ASTN1: variants seen among roughly 807,000 people sequenced by gnomAD.
The protein encoded by ASTN1 is astrotactin-1.
ASTN1 carries 41 observed loss-of-function variants against 140.7 expected under a neutral mutation model. The ratio of observed to expected loss-of-function variants is 0.29; its 90% CI spans 0.23 to 0.38. ASTN1 has a LOEUF of 0.38. ASTN1 is among the 10% of genes least tolerant of loss of function. The probability of loss-of-function intolerance (pLI) is 1.00; values close to 1 mark genes in which losing one functional copy is unlikely to be tolerated. For missense variants in ASTN1, 1,479 were observed against 1,678.8 expected (o/e 0.88, Z 2.08); for synonymous variants, 640 against 652.2 (o/e 0.98, Z 0.29).
At chr1:176,871,438 G>T (rs1275355245) in intron 21 of ASTN1, among the ~76,000 whole-genome samples, 3 of 152,182 alleles carry the variant, frequency 2.0e-5, no homozygotes, top group Admixed American at 6.5e-5. Flanking sequence ...GCCAGGCCCT[G>T]GTTGTGGTAG....
At chr1:176,958,016 G>A (rs1200028019) in intron 10 of ASTN1, among the ~76,000 whole-genome samples, 188 bp from the exon 11 acceptor site, 4 of 152,198 alleles carry the variant, frequency 2.6e-5, no homozygotes, top group African/African-American at 9.7e-5. Context: ...TCTAGGAAAT[G>A]AGCCAAGGCT....
intron 8 of ASTN1, among the ~76,000 whole-genome samples, chr1:176,985,339 C>T (rs1208547025): frequency 1.3e-5 from 2 of 152,134 alleles, no homozygotes; most frequent in South Asian, 2.1e-4. Context: ...TGCCCCACTG[C>T]CCATGCATTG....
chr1:176,942,818 GTGTATATATATATATATGTATATATA>G (rs1436451358), intron 14 of ASTN1, among the ~76,000 whole-genome samples: 1 of 31,940 alleles, frequency 3.1e-5, no homozygotes, highest in African/African-American at 1.1e-4. Context: ...CTTTGTGTGT[GTGTATATATATATATATGTATATATA>G]TATATATATA....
At chr1:176,952,722 C>A (rs1235191699) in intron 11 of ASTN1, among the ~76,000 whole-genome samples, 1 of 152,156 alleles carries the variant, frequency 6.6e-6, no homozygotes, top group African/African-American at 2.4e-5. Flanking sequence ...TTGCCAGAGT[C>A]CTGTTCTCAG....
At chr1:176,868,273 C>A (rs756869555) in intron 22 of ASTN1, among the ~76,000 whole-genome samples, 4 of 152,196 alleles carry the variant, frequency 2.6e-5, no homozygotes, top group Non-Finnish European at 5.9e-5. Flanking sequence ...TCTGTCTGTG[C>A]AACCTAAAAG....
intron 9 of ASTN1, among the ~76,000 whole-genome samples, chr1:176,960,950 C>A (rs937304953): frequency 6.6e-5 from 10 of 152,128 alleles, no homozygotes; most frequent in Non-Finnish European, 1.5e-4. Context: ...TGACTCAGAG[C>A]CCCTTGTTGC....
chr1:176,917,303 G>A (rs2103068354), intron 16 of ASTN1, among the ~76,000 whole-genome samples: 1 of 152,350 alleles, frequency 6.6e-6, no homozygotes, highest in African/African-American at 2.4e-5. Context: ...ACACGTAGCT[G>A]TAGGTATGTG....
At chr1:177,108,345 C>CT (rs1326117756) in intron 1 of ASTN1, among the ~76,000 whole-genome samples, 1 of 67,570 alleles carries the variant, frequency 1.5e-5, no homozygotes, top group Non-Finnish European at 3.4e-5. Flanking sequence ...AAGACTCCGT[C>CT]TCAAAAAAAA....
chr1:177,081,742 T>C (rs1679190506), intron 1 of ASTN1, among the ~76,000 whole-genome samples: 1 of 152,130 alleles, frequency 6.6e-6, no homozygotes, highest in African/African-American at 2.4e-5. Context: ...GGATATCATG[T>C]TCCCTGTTTA....
At chr1:177,082,762 C>T (rs1438781552) in intron 1 of ASTN1, among the ~76,000 whole-genome samples, 1 of 152,174 alleles carries the variant, frequency 6.6e-6, no homozygotes, top group Non-Finnish European at 1.5e-5. Flanking sequence ...CTCTCCTTCC[C>T]TATGCTGGAG....
chr1:176,885,735 G>A (rs967606370), intron 18 of ASTN1, among the ~76,000 whole-genome samples: 1 of 152,134 alleles, frequency 6.6e-6, no homozygotes, highest in Non-Finnish European at 1.5e-5. Flanking sequence ...ATTTGCTACT[G>A]GGGATGCAGT....
intron 3 of ASTN1, among the ~76,000 whole-genome samples, chr1:177,031,863 A>G (rs538843980): frequency 6.6e-6 from 1 of 152,178 alleles, no homozygotes; most frequent in Non-Finnish European, 1.5e-5. Flanking sequence ...GTTCATCTGG[A>G]TTAGTTCTTC....
intron 9 of ASTN1, among the ~76,000 whole-genome samples, chr1:176,962,852 A>T (rs1672724400): frequency 6.6e-6 from 1 of 152,198 alleles, no homozygotes; most frequent in African/African-American, 2.4e-5. Context: ...TTTTTGGATG[A>T]GACTGTAAAT....
Position 176,863,696 on chromosome 1 carries a change from C to T in ASTN1, c.*588G>A, listed in dbSNP as rs80121532. Reference sequence around the variant, plus strand: ...TATAATGAAAGCTGGTTTCACCTTTCGGGTATGGAAATAGTGATAGCAAGG... The same window carrying T: ...TATAATGAAAGCTGGTTTCACCTTTTGGGTATGGAAATAGTGATAGCAAGG... On this transcript the variant is annotated 3_prime_UTR_variant, in exon 23 of 23. Coordinates refer to ENST00000361833, the MANE Select transcript of ASTN1 (RefSeq NM_004319.3). The T allele has an allele frequency of 6.0e-4, 596 of 985,798 alleles. 3 individuals are homozygous for T. The African/African-American group carries it at 9.5e-3, about 16-fold the overall frequency. 61.1% of individuals were successfully genotyped at this position (985,798 alleles called of 1,614,324 possible).
At chr1:176,931,098 T>C (rs957015528) in intron 16 of ASTN1, among the ~76,000 whole-genome samples, 5 of 152,066 alleles carry the variant, frequency 3.3e-5, no homozygotes, top group Non-Finnish European at 2.9e-5. Flanking sequence ...GGAGAAGATA[T>C]GAATAAGGTT....
chr1:177,137,629 C>T (rs1288520935), intron 1 of ASTN1, among the ~76,000 whole-genome samples: 1 of 152,138 alleles, frequency 6.6e-6, no homozygotes, highest in Non-Finnish European at 1.5e-5. Flanking sequence ...GGAGCTAATT[C>T]ACAAACTGTC....
chr1:176,891,745 A>G (rs568231949), intron 17 of ASTN1, among the ~76,000 whole-genome samples: 30 of 152,328 alleles, frequency 2.0e-4, no homozygotes, highest in African/African-American at 7.2e-4. Flanking sequence ...GTGAGCCAAG[A>G]ACATGCCATT....
chr1:177,004,671 C>T (rs1674908240), intron 8 of ASTN1, among the ~76,000 whole-genome samples: 1 of 152,002 alleles, frequency 6.6e-6, no homozygotes, highest in Admixed American at 6.6e-5. Context: ...GAAATAGAGC[C>T]AAATACTTAC....
Position 176,965,702 on chromosome 1 carries a change from G to T in ASTN1, c.1524-465C>A, listed in dbSNP as rs113529403. Among the ~76,000 whole-genome samples, 333 of 152,284 alleles carry T rather than the reference G, an allele frequency of 2.2e-3. 2 individuals are homozygous for T. The highest frequency in any genetic ancestry group is 7.6e-3 in the African/African-American group (316 of 41,564). On this transcript the variant is annotated intron_variant, in intron 8 of 22. Transcript: ENST00000361833. ...TGCTTGCCAGTCCTAATTTCCTATAGGGTCAATAAATGATAGCTACCTAAC... is the reference window on the plus strand; with the variant it reads ...TGCTTGCCAGTCCTAATTTCCTATATGGTCAATAAATGATAGCTACCTAAC...
Sources: gnomAD v4.1 joint callset for allele counts (sites outside exome capture counted in the v4.1 genomes callset) on GRCh38, gnomAD v4.1.1 for gene constraint, MANE v1.5 for transcripts, NCBI Gene and HGNC (gene_info 2026-07-23, HGNC 2026-07-21) for gene names.